The following RANBP2 variants were observed in gnomAD, a reference collection of about 807,000 sequenced individuals.
RANBP2 encodes the protein E3 SUMO-protein ligase RanBP2.
A neutral mutation model predicts 303.6 loss-of-function variants in RANBP2; 57 were observed. That is an observed-to-expected ratio of 0.19 (90% CI 0.15 to 0.23). The LOEUF (loss-of-function observed/expected upper bound fraction) is 0.23, where lower values mean the gene tolerates loss of function less well. RANBP2 is among the 10% of genes least tolerant of loss of function. The probability of loss-of-function intolerance (pLI) is 1.00; values close to 1 mark genes in which losing one functional copy is unlikely to be tolerated. For synonymous variants in RANBP2, 1,167 were observed against 1,301.5 expected, an observed-to-expected ratio of 0.90 and a Z score of 2.23; for missense variants, 3,138 against 3,780.8, an observed-to-expected ratio of 0.83 and a Z score of 4.46.
chr2:109,334,185 G>A, the RANBP2 span, among the ~76,000 whole-genome samples: 18,149 of 151,876 alleles, frequency 0.12, 1,272 homozygotes, highest in East Asian at 0.24. Flanking sequence ...GTGAGACCCC[G>A]TCCCTACAAA....
chr2:109,515,396 T>G, the RANBP2 span, among the ~76,000 whole-genome samples: 1 of 152,140 alleles, frequency 6.6e-6, no homozygotes, highest in African/African-American at 2.4e-5. Context: ...GGATGTGGAA[T>G]GTCCTGCCTA....
the RANBP2 span, among the ~76,000 whole-genome samples, chr2:109,419,957 C>T: frequency 1.2e-4 from 18 of 152,216 alleles, no homozygotes; most frequent in African/African-American, 3.4e-4. Context: ...ATGGAAGGTC[C>T]GAGATTGAGG....
chr2:109,179,966 A>G, the RANBP2 span, among the ~76,000 whole-genome samples: 2 of 51,092 alleles, frequency 3.9e-5, no homozygotes, highest in Admixed American at 4.9e-4. Context: ...TTTGGACCCA[A>G]AGGTGTTCTT....
the RANBP2 span, chr2:109,553,036 A>C: frequency 1.3e-6 from 2 of 1,585,632 alleles, no homozygotes; most frequent in Non-Finnish European, 1.7e-6. Flanking sequence ...CCTCCAAATT[A>C]ATAGGACATC....
chr2:108,803,505 A>G, the RANBP2 span, among the ~76,000 whole-genome samples: 16 of 152,164 alleles, frequency 1.1e-4, no homozygotes, highest in African/African-American at 2.9e-4. Context: ...CGCAGTGGCT[A>G]TGCACAGACG....
At chr2:109,006,837 T>C in the RANBP2 span, among the ~76,000 whole-genome samples, 1 of 152,212 alleles carries the variant, frequency 6.6e-6, no homozygotes, top group Non-Finnish European at 1.5e-5. Flanking sequence ...CTATTGCAAT[T>C]ATTTGAAACT....
chr2:109,028,197 G>C, the RANBP2 span, among the ~76,000 whole-genome samples: 1 of 152,220 alleles, frequency 6.6e-6, no homozygotes, highest in African/African-American at 2.4e-5. Context: ...CCTGAACCCA[G>C]GACGTTGAGG....
chr2:109,732,643 A>C, the RANBP2 span: 1 of 501,960 alleles, frequency 2.0e-6, no homozygotes, highest in South Asian at 1.5e-5. Context: ...CACCTGGCTA[A>C]TTTTTATTAG....
At chr2:109,288,893 A>C in the RANBP2 span, among the ~76,000 whole-genome samples, 1 of 152,242 alleles carries the variant, frequency 6.6e-6, no homozygotes, top group Non-Finnish European at 1.5e-5. Flanking sequence ...AAGCGGCACC[A>C]GTGTCTGCAG....
the RANBP2 span, chr2:109,251,725 G>A: frequency 2.5e-5 from 18 of 725,536 alleles, no homozygotes; most frequent in African/African-American, 3.5e-5. Flanking sequence ...AAATTAGGTC[G>A]TGTACATTTT....
At chr2:109,615,611 T>A in the RANBP2 span, 5 of 1,613,306 alleles carry the variant, frequency 3.1e-6, no homozygotes, top group Non-Finnish European at 4.2e-6. Context: ...GGGACTACAG[T>A]GGGAAAAAGG....
the RANBP2 span, among the ~76,000 whole-genome samples, chr2:109,092,006 A>G: frequency 6.6e-6 from 1 of 152,098 alleles, no homozygotes; most frequent in South Asian, 2.1e-4. Context: ...TGAATCAGGA[A>G]GATCTGAGGA....
At chr2:109,207,370 A>G in the RANBP2 span, among the ~76,000 whole-genome samples, 1 of 152,100 alleles carries the variant, frequency 6.6e-6, no homozygotes, top group Non-Finnish European at 1.5e-5. Context: ...TGGGGGAGGG[A>G]AGCAGGTTGC....
chr2:109,107,183 C>A, the RANBP2 span, among the ~76,000 whole-genome samples: 2 of 151,456 alleles, frequency 1.3e-5, no homozygotes, highest in African/African-American at 2.4e-5. Flanking sequence ...CTCAGGTGAT[C>A]CAAAGTGCTG....
At chr2:109,414,673 A>T in the RANBP2 span, among the ~76,000 whole-genome samples, 25 of 152,146 alleles carry the variant, frequency 1.6e-4, no homozygotes, top group Non-Finnish European at 3.1e-4. Flanking sequence ...CCTGATTGGC[A>T]TTACCAGCAC....
chr2:109,512,835 C>A, the RANBP2 span, among the ~76,000 whole-genome samples: 1 of 152,218 alleles, frequency 6.6e-6, no homozygotes, highest in Admixed American at 6.5e-5. Context: ...CTCCTCACCC[C>A]CTCCTGGGCC....
At chr2:109,069,567 T>C in the RANBP2 span, among the ~76,000 whole-genome samples, 1 of 152,208 alleles carries the variant, frequency 6.6e-6, no homozygotes, top group Non-Finnish European at 1.5e-5. Flanking sequence ...AAAGAGTGAG[T>C]GGCATGGCCT....
the RANBP2 span, among the ~76,000 whole-genome samples, chr2:109,621,341 C>T: frequency 2.0e-5 from 3 of 151,892 alleles, no homozygotes; most frequent in African/African-American, 7.3e-5. Flanking sequence ...TTAATAGAGA[C>T]GGGGTTTCAC....
chr2:109,385,225 C>T, the RANBP2 span, among the ~76,000 whole-genome samples: 1 of 152,224 alleles, frequency 6.6e-6, no homozygotes, highest in Admixed American at 6.5e-5. Context: ...CCTTACCCAC[C>T]TCCAAGGGTT....
Sources: gnomAD v4.1 joint callset for allele counts (sites outside exome capture counted in the v4.1 genomes callset) on GRCh38, gnomAD v4.1.1 for gene constraint, MANE v1.5 for transcripts, NCBI Gene and HGNC (gene_info 2026-07-23, HGNC 2026-07-21) for gene names.